UTRN: variants seen among roughly 807,000 people sequenced by gnomAD.
The protein encoded by UTRN is dystrophin-related protein 1.
UTRN carries 283 observed loss-of-function variants against 463.9 expected under a neutral mutation model. That is an observed-to-expected ratio of 0.61 (90% CI 0.55 to 0.67). The LOEUF (loss-of-function observed/expected upper bound fraction) is 0.67, where lower values mean the gene tolerates loss of function less well. UTRN is among the 30% of genes least tolerant of loss of function. The probability of loss-of-function intolerance (pLI) is 0.00; values close to 1 mark genes in which losing one functional copy is unlikely to be tolerated. For synonymous variants in UTRN, 1,442 were observed against 1,431.5 expected, an observed-to-expected ratio of 1.01 and a Z score of -0.17; for missense variants, 3,922 against 4,084.3, an observed-to-expected ratio of 0.96 and a Z score of 1.08.
At position 144,824,472 on chromosome 6, in the gene UTRN, A is replaced by T. The variant is rs141654313; in HGVS notation, c.9495-2876A>T. ...ACATATACAATAAATATGTATATAT[A>T]GTATATATACACATATACAATAAAT... On this transcript the variant is annotated intron_variant, in intron 66 of 74. Transcript: ENST00000367545. Among the ~76,000 whole-genome samples the T allele has an allele frequency of 5.4e-3, 344 of 63,632 alleles. 1 individual carries two copies. Among genetic ancestry groups the T allele is most frequent in the East Asian group, 0.011 (9 of 844 alleles). 41.7% of individuals were successfully genotyped at this position (63,632 alleles called of 152,430 possible).
chr6:144,541,042 G>T (rs750745931), intron 45 of UTRN, among the ~76,000 whole-genome samples: 2 of 152,108 alleles, frequency 1.3e-5, no homozygotes, highest in Admixed American at 1.3e-4. Context: ...GACTACAAAG[G>T]CTGCCCCACT....
intron 42 of UTRN, 35 bp downstream of exon 42, chr6:144,531,237 A>T (rs370979774): frequency 6.2e-7 from 1 of 1,608,942 alleles, no homozygotes; most frequent in African/African-American, 1.3e-5. Context: ...GGGACTGCAC[A>T]TATGGTTAGT....
At chr6:144,436,460 C>A (rs1328882924) in intron 10 of UTRN, among the ~76,000 whole-genome samples, 2 of 152,080 alleles carry the variant, frequency 1.3e-5, no homozygotes, top group Non-Finnish European at 2.9e-5. Context: ...TACACCAAAT[C>A]TTTAAGATTT....
In UTRN at chr6:144,537,730, T is replaced by C. The variant is rs768581219; in HGVS notation, c.6369+13T>C. On this transcript the variant is annotated intron_variant, in intron 44 of 74. Coordinates refer to ENST00000367545, the MANE Select transcript of UTRN (RefSeq NM_007124.3). ...GCAAGAATTAAGAGTAAGTTGTTTA[T>C]TTCTGTCTATATGCCTTTTGGTGCC... The C allele has an allele frequency of 6.2e-7, 1 of 1,606,430 alleles. No homozygotes were observed. Among genetic ancestry groups the C allele is most frequent in the South Asian group, 1.1e-5 (1 of 89,786 alleles).
intron 34 of UTRN, among the ~76,000 whole-genome samples, chr6:144,499,646 A>C (rs1562491265): frequency 6.6e-6 from 1 of 152,186 alleles, no homozygotes; most frequent in Non-Finnish European, 1.5e-5. Context: ...TAAGGGGTAC[A>C]CATATAGGTT....
chr6:144,310,641 T>TG (rs1562732338), intron 2 of UTRN, among the ~76,000 whole-genome samples: 1 of 48,194 alleles, frequency 2.1e-5, no homozygotes, highest in African/African-American at 7.7e-5. Flanking sequence ...TGGCGGGGGG[T>TG]GGGGGGCGTG....
At chr6:144,362,396 T>C (rs935758984) in intron 2 of UTRN, among the ~76,000 whole-genome samples, 1 of 152,222 alleles carries the variant, frequency 6.6e-6, no homozygotes, top group Non-Finnish European at 1.5e-5. Flanking sequence ...TAAAGTCACA[T>C]AGCTGTATTT....
chr6:144,679,588 A>G (rs1337208529), intron 52 of UTRN, among the ~76,000 whole-genome samples: 1 of 152,172 alleles, frequency 6.6e-6, no homozygotes, highest in Non-Finnish European at 1.5e-5. Context: ...GAAATATTTA[A>G]CACTCATGAT....
intron 14 of UTRN, among the ~76,000 whole-genome samples, chr6:144,445,563 C>CA (rs1049920800): frequency 2.7e-5 from 4 of 149,206 alleles, no homozygotes; most frequent in African/African-American, 1.0e-4. Flanking sequence ...ACTACTTCCC[C>CA]CCCCGCCCTC....
intron 34 of UTRN, among the ~76,000 whole-genome samples, chr6:144,506,049 T>G (rs1175648216): frequency 6.6e-6 from 1 of 152,068 alleles, no homozygotes; most frequent in African/African-American, 2.4e-5. Context: ...GTTTAAAGTC[T>G]GTTTTATCAG....
At chr6:144,717,234 GA>G (rs1786560392) in intron 53 of UTRN, among the ~76,000 whole-genome samples, 6 of 152,146 alleles carry the variant, frequency 3.9e-5, no homozygotes, top group African/African-American at 1.4e-4. Context: ...TAGAAATTTA[GA>G]AAACAGTTTT....
At chr6:144,454,211 G>T (rs1209125641) in intron 19 of UTRN, among the ~76,000 whole-genome samples, 1 of 152,082 alleles carries the variant, frequency 6.6e-6, no homozygotes, top group African/African-American at 2.4e-5. Context: ...GGTAGCAAAA[G>T]AAAACTTTAC....
chr6:144,384,145 C>T (rs1321157278), intron 2 of UTRN, among the ~76,000 whole-genome samples: 2 of 152,110 alleles, frequency 1.3e-5, no homozygotes, highest in Non-Finnish European at 2.9e-5. Context: ...TCACTACCAT[C>T]GTTCTCCTGA....
chr6:144,643,747 A>G (rs1778005725), intron 51 of UTRN, among the ~76,000 whole-genome samples: 1 of 152,094 alleles, frequency 6.6e-6, no homozygotes, highest in Non-Finnish European at 1.5e-5. Context: ...CAATGAGCCC[A>G]GACCATGCCA....
intron 64 of UTRN, among the ~76,000 whole-genome samples, chr6:144,802,763 A>G (rs1012027337): frequency 2.0e-5 from 3 of 152,206 alleles, no homozygotes; most frequent in Non-Finnish European, 2.9e-5. Context: ...TGGTGGTATA[A>G]TTGATATTTT....
chr6:144,421,547 G>A (rs1306173089), intron 3 of UTRN, among the ~76,000 whole-genome samples: 1 of 151,776 alleles, frequency 6.6e-6, no homozygotes, highest in African/African-American at 2.4e-5. Flanking sequence ...AAATTAGCTG[G>A]GCGTGGTGGC....
At chr6:144,849,363 C>T (rs1019894513) in intron 74 of UTRN, among the ~76,000 whole-genome samples, 2 of 152,010 alleles carry the variant, frequency 1.3e-5, no homozygotes, top group African/African-American at 4.8e-5. Flanking sequence ...GTGACAAAGG[C>T]AAGGAGGGAA....
chr6:144,742,518 T>C (rs1435124579), intron 54 of UTRN, among the ~76,000 whole-genome samples: 2 of 152,126 alleles, frequency 1.3e-5, no homozygotes, highest in Admixed American at 6.6e-5. Context: ...GAGAGAGATA[T>C]TGAGAGAGAG....
intron 2 of UTRN, among the ~76,000 whole-genome samples, chr6:144,359,655 A>T (rs1379341270): frequency 1.3e-5 from 2 of 151,254 alleles, no homozygotes; most frequent in South Asian, 4.2e-4. Flanking sequence ...ATGAGCATCT[A>T]TTATATTTTT....
Sources: allele counts gnomAD v4.1 joint callset (sites outside exome capture counted in the v4.1 genomes callset), GRCh38; gene constraint gnomAD v4.1.1; transcripts MANE v1.5; gene names NCBI Gene and HGNC (gene_info 2026-07-23, HGNC 2026-07-21).